IWS1: variants seen among roughly 807,000 people sequenced by gnomAD.
IWS1 encodes the protein interacts with SUPT6H, CTD assembly factor 1, also known as protein IWS1 homolog.
A neutral mutation model predicts 86.7 loss-of-function variants in IWS1; 27 were observed. The observed-to-expected ratio is 0.31, with a 90% CI of 0.23 to 0.43. The LOEUF (loss-of-function observed/expected upper bound fraction) is 0.43. IWS1 is among the 20% of genes least tolerant of loss of function. IWS1 has a pLI of 1.00. For missense variants in IWS1, 827 were observed against 1,000.8 expected (o/e 0.83, Z 2.34); for synonymous variants, 313 against 335.1 (o/e 0.93, Z 0.72).
chr2:127,494,274 A>T (rs910756968), intron 8 of IWS1, among the ~76,000 whole-genome samples: 1 of 150,806 alleles, frequency 6.6e-6, no homozygotes, highest in Non-Finnish European at 1.5e-5. Flanking sequence ...AAAGCAAATC[A>T]ATGAAAAAAG....
At chr2:127,523,159 G>A (rs571771822) in intron 2 of IWS1, among the ~76,000 whole-genome samples, 3 of 152,186 alleles carry the variant, frequency 2.0e-5, no homozygotes, top group East Asian at 1.9e-4. Flanking sequence ...GCAGTGAGCC[G>A]AGGTCTCACC....
chr2:127,505,624 G>A lies in IWS1; in HGVS notation c.279C>T (p.Ser93=), dbSNP rs773631164. Residue 93 remains serine (S), a synonymous_variant, in exon 3 of 14, where the codon AGC becomes AGT. Transcript: ENST00000295321. The surrounding 1 kb of genome is among the most constrained non-coding windows in gnomAD (Gnocchi z 5.0). ...CTGCACGTTCCTCAGATTCAGAGTC[G>A]CTGTCCTTTTGCCTGTGAAGCTCCT... ...ESEELHRQKD[S]DSESEERAEP... 6.8e-6 allele frequency: 11 copies of A among 1,613,188 alleles called. No homozygotes were observed. Among genetic ancestry groups the A allele is most frequent in the Admixed American group, 1.7e-5 (1 of 59,974 alleles).
chr2:127,505,950 T>G lies in IWS1; in HGVS notation c.151-198A>C. The stretch of plus-strand genomic sequence containing the variant: ...AAATGGTTTTATTTGGATCCCCAAA[T>G]GGGGAAATATAACCAGCCTTCATCA... On this transcript the variant is annotated intron_variant, in intron 2 of 13. Transcript: ENST00000295321. The surrounding 1 kb of genome is among the most constrained non-coding windows in gnomAD (Gnocchi z 5.0). The G allele has an allele frequency of 2.2e-6, 1 of 458,294 alleles. No individual in the cohort carries two copies. Among genetic ancestry groups the G allele is most frequent in the Non-Finnish European group, 3.8e-6 (1 of 262,380 alleles). 28.4% of individuals were successfully genotyped at this position (458,294 alleles called of 1,614,324 possible).
At chr2:127,525,279 A>C (rs1232755592) in intron 1 of IWS1, among the ~76,000 whole-genome samples, 2 of 152,220 alleles carry the variant, frequency 1.3e-5, no homozygotes, top group Non-Finnish European at 2.9e-5. Flanking sequence ...GTTTTTAAGC[A>C]GTGCATGCCT....
At chr2:127,525,123 G>GTAC (rs1454133694) in intron 1 of IWS1, among the ~76,000 whole-genome samples, 1 of 107,410 alleles carries the variant, frequency 9.3e-6, no homozygotes, top group Admixed American at 1.0e-4. Flanking sequence ...GGGGGGTGGG[G>GTAC]TACGGGCATG....
intron 8 of IWS1, chr2:127,494,617 A>AG (rs1334532254): frequency 3.7e-6 from 1 of 267,222 alleles, no homozygotes; most frequent in African/African-American, 2.2e-5. Context: ...CAAAAACAAA[A>AG]CAAAAAAACA....
rs771223915 is a variant in IWS1 at position 127,523,635 on chromosome 2, G to C, written c.150+41C>G. The C allele has an allele frequency of 2.3e-6, 3 of 1,296,960 alleles. No homozygotes were observed. In the East Asian group the frequency reaches 6.9e-5, roughly 30 times the overall value. 80.3% of individuals were successfully genotyped at this position (1,296,960 alleles called of 1,614,324 possible). A position where few individuals can be genotyped will look rare whatever the true frequency, so the allele number is the denominator to read the frequency against. On this transcript the variant is annotated intron_variant, in intron 2 of 13. Transcript: ENST00000295321. ...TATAATATAACAGATCTCACAGAACGCAAGGGAAAAGCCCTCCCAAAGATG... is the reference window on the plus strand; with the variant it reads ...TATAATATAACAGATCTCACAGAACCCAAGGGAAAAGCCCTCCCAAAGATG...
chr2:127,518,562 C>CTT (rs747745807), intron 2 of IWS1, among the ~76,000 whole-genome samples: 2,167 of 116,792 alleles, frequency 0.019, 124 homozygotes, highest in African/African-American at 0.066. Context: ...ACAGGCGATT[C>CTT]TTTTTTTTTT....
intron 7 of IWS1, 59 bp from the exon 8 acceptor site, chr2:127,495,013 T>G: frequency 2.0e-6 from 2 of 976,004 alleles, no homozygotes; most frequent in Non-Finnish European, 3.1e-6. Flanking sequence ...TAATATTGAA[T>G]TCACTGTAAT....
chr2:127,526,404 G>A lies in IWS1; in HGVS notation c.-196C>T, dbSNP rs1242320591. On this transcript the variant is annotated 5_prime_UTR_variant, in exon 1 of 14. Coordinates refer to ENST00000295321, the MANE Select transcript of IWS1 (RefSeq NM_017969.3). Reference sequence around the variant, plus strand: ...TGACCTGGAAGCCCCGGCGGAAAAGGCCGTACCCGGCAGGCTGGCGGGCGG... The same window carrying A: ...TGACCTGGAAGCCCCGGCGGAAAAGACCGTACCCGGCAGGCTGGCGGGCGG... 6.5e-7 allele frequency: 1 copy of A among 1,536,068 alleles called. No individual in the cohort carries two copies. Among genetic ancestry groups the A allele is most frequent in the Non-Finnish European group, 8.7e-7 (1 of 1,145,758 alleles).
rs745308184 is a variant in IWS1, at chr2:127,502,791, G to A, written c.1467+24C>T. On this transcript the variant is annotated intron_variant, in intron 5 of 13. Transcript: ENST00000295321. ...ACCAAAAAAAAGCACAATCAAGGAG[G>A]AAATATTTCCATCTTATACTTACTG... The A allele has an allele frequency of 1.0e-5, 14 of 1,345,264 alleles. No homozygotes were observed. In the East Asian group the frequency reaches 1.4e-4, roughly 13 times the overall value. The allele number at this position is 1,345,264 out of a possible 1,614,324, so 83.3% of individuals were successfully genotyped here.
intron 2 of IWS1, among the ~76,000 whole-genome samples, chr2:127,522,069 A>G (rs1440859210): frequency 6.6e-6 from 1 of 152,222 alleles, no homozygotes; most frequent in African/African-American, 2.4e-5. Context: ...GTTTAAAAGC[A>G]CAGAAAAAAC....
intron 5 of IWS1, among the ~76,000 whole-genome samples, chr2:127,500,030 TC>T (rs1690721100): frequency 6.6e-6 from 1 of 152,196 alleles, no homozygotes; most frequent in South Asian, 2.1e-4. Flanking sequence ...ATAACTTGTA[TC>T]TTCACGACCT....
intron 2 of IWS1, among the ~76,000 whole-genome samples, chr2:127,516,343 C>T (rs755948335): frequency 1.3e-5 from 2 of 151,990 alleles, no homozygotes; most frequent in South Asian, 2.1e-4. Context: ...CTCCGCACCC[C>T]GCCCCCGCAA....
chr2:127,493,488 G>A, intron 8 of IWS1, 78 bp from the exon 9 acceptor site: 1 of 1,358,276 alleles, frequency 7.4e-7, no homozygotes, highest in Non-Finnish European at 9.8e-7. Flanking sequence ...CATATTTAGT[G>A]ATGTTTCTAA....
intron 2 of IWS1, chr2:127,514,669 A>C (rs2104727761): frequency 6.6e-6 from 1 of 152,330 alleles, no homozygotes; most frequent in Non-Finnish European, 1.5e-5. Flanking sequence ...TTGCTGCGGC[A>C]CACTGTGTCC....
intron 2 of IWS1, chr2:127,511,339 A>C (rs568434418): frequency 6.6e-6 from 1 of 152,244 alleles, no homozygotes; most frequent in Non-Finnish European, 1.5e-5. Context: ...TGGAATTAGG[A>C]ATACTATCTA....
rs1418935789 is a variant in IWS1, at chr2:127,505,142, T to G, written c.761A>C (p.Asp254Ala). Residue 254 changes from aspartate (D) to alanine (A), a missense_variant, in exon 3 of 14, where the codon GAC (aspartate) becomes GCC (alanine). Coordinates refer to ENST00000295321, the MANE Select transcript of IWS1 (RefSeq NM_017969.3). This position sits in a 1 kb window ranked among gnomAD's most constrained non-coding sequence, Gnocchi z 5.0. ...GTCACTGGCCTGGTGCCTCGGAGGG[T>G]CCTCACTTTCTGAGTCACTGATACG... ...KPRISDSESE[D>A]PPRHQASDSE... is the part of the protein sequence containing the mutation. 6.2e-7 allele frequency: 1 copy of G among 1,611,450 alleles called. No homozygotes were observed. The highest frequency in any genetic ancestry group is 8.5e-7 in the Non-Finnish European group (1 of 1,178,272).
At chr2:127,500,292 A>G (rs965350466) in intron 5 of IWS1, among the ~76,000 whole-genome samples, 1 of 152,198 alleles carries the variant, frequency 6.6e-6, no homozygotes, top group African/African-American at 2.4e-5. Context: ...GATTATATAG[A>G]GACTGTTCCC....
Sources: gnomAD v4.1 joint callset for allele counts (sites outside exome capture counted in the v4.1 genomes callset) on GRCh38, gnomAD v4.1.1 for gene constraint, Gnocchi (gnomAD v3.1) non-coding constraint, MANE v1.5 for transcripts, NCBI Gene and HGNC (gene_info 2026-07-23, HGNC 2026-07-21) for gene names.